RHD: variants seen among roughly 807,000 people sequenced by gnomAD.
The protein encoded by RHD is Rh blood group D antigen, also known as blood group Rh(D) polypeptide.
RHD carries 16 observed loss-of-function variants against 45.5 expected under a neutral mutation model. That is an observed-to-expected ratio of 0.35 (90% CI 0.24 to 0.53). The LOEUF (loss-of-function observed/expected upper bound fraction) is 0.53. RHD is among the 20% of genes least tolerant of loss of function. The pLI is 0.92. For synonymous variants in RHD, 131 were observed against 217.5 expected, an observed-to-expected ratio of 0.60 and a Z score of 3.50; for missense variants, 306 against 532.0, an observed-to-expected ratio of 0.58 and a Z score of 4.18.
chr1:25,295,849 A>C (rs1642893730), intron 3 of RHD, among the ~76,000 whole-genome samples: 1 of 33,728 alleles, frequency 3.0e-5, no homozygotes, highest in African/African-American at 5.8e-5. Flanking sequence ...GAATATGGGA[A>C]ATTTTTTTTT....
chr1:25,307,638 C>G (rs1444867203), intron 7 of RHD: 2 of 1,143,496 alleles, frequency 1.7e-6, no homozygotes, highest in Admixed American at 2.1e-5. Context: ...GAGAAGTTAT[C>G]TGCCCAAGGT....
rs1644628470 is a variant in RHD, at chr1:25,320,246, G to C, written c.1154-1643G>C. Among the ~76,000 whole-genome samples the C allele has an allele frequency of 1.5e-5, 2 of 131,790 alleles. 1 individual carries two copies. The highest frequency in any genetic ancestry group is 5.2e-5 in the African/African-American group (2 of 38,654). 86.5% of individuals were successfully genotyped at this position (131,790 alleles called of 152,430 possible). Reference sequence around the variant, plus strand: ...AAGAACACAAAACGCTTGGGCTGCTGAGAGATTAGAACAACAACCCTCCAC... The same window carrying C: ...AAGAACACAAAACGCTTGGGCTGCTCAGAGATTAGAACAACAACCCTCCAC... On this transcript the variant is annotated intron_variant, in intron 8 of 9. Transcript: ENST00000328664.
chr1:25,287,478 C>T (rs964827800), intron 2 of RHD, among the ~76,000 whole-genome samples: 28 of 135,206 alleles, frequency 2.1e-4, no homozygotes, highest in East Asian at 5.8e-4. Flanking sequence ...GACCGGTTCC[C>T]GTCAGGGCTG....
At chr1:25,312,574 T>C (rs1366827861) in intron 7 of RHD, among the ~76,000 whole-genome samples, 1 of 129,148 alleles carries the variant, frequency 7.7e-6, no homozygotes, top group Non-Finnish European at 1.8e-5. Flanking sequence ...GTGAGACCTG[T>C]CTCTACAAAA....
At position 25,307,582 on chromosome 1, in the gene RHD, C is replaced by T. The variant is rs1396174508; in HGVS notation, c.1073+853C>T. 15 of 713,492 alleles carry T rather than the reference C, an allele frequency of 2.1e-5. No individual in the cohort carries two copies. In the Admixed American group the frequency reaches 3.5e-4, roughly 17 times the overall value. 44.2% of individuals were successfully genotyped at this position (713,492 alleles called of 1,614,324 possible). ...TATGCATTATCTCCTTGAATTCTCA[C>T]AACCGCCTACTGAGGTATTCTCAGA... On this transcript the variant is annotated intron_variant, in intron 7 of 9. Transcript: ENST00000328664.
rs1301217223 is a variant in RHD, at chr1:25,306,228, C to A, written c.940-368C>A. Among the ~76,000 whole-genome samples, 9 of 131,684 alleles carry A rather than the reference C, an allele frequency of 6.8e-5. 1 individual carries two copies. The highest frequency in any genetic ancestry group is 2.1e-4 in the African/African-American group (8 of 38,168). 86.4% of individuals were successfully genotyped at this position (131,684 alleles called of 152,430 possible). A position where few individuals can be genotyped will look rare whatever the true frequency, so the allele number is the denominator to read the frequency against. ...AGCTCGTGGGGAGAGACCAGGGATG[C>A]TGCTTAACATCCTACAGTACACAGG... On this transcript the variant is annotated intron_variant, in intron 6 of 9. Transcript: ENST00000328664.
rs1201306710 is a variant in RHD at position 25,316,214 on chromosome 1, AGTATGTTCAAGGG to A, written c.1074-782_1074-770del. On this transcript the variant is annotated intron_variant, in intron 7 of 9. Coordinates refer to ENST00000328664, the MANE Select transcript of RHD (RefSeq NM_016124.6). ...TGCCTTGAAGGAGAGAGGTCGTGGA[AGTATGTTCAAGGG>A]GTAGGGATGGGCAGGGGAGATGGGT... Among the ~76,000 whole-genome samples, 10 of 130,430 alleles carry A rather than the reference AGTATGTTCAAGGG, an allele frequency of 7.7e-5. 2 individuals carry two copies. The highest frequency in any genetic ancestry group is 1.8e-4 in the Non-Finnish European group (10 of 55,306). 85.6% of individuals were successfully genotyped at this position (130,430 alleles called of 152,430 possible).
chr1:25,290,185 G>A lies in RHD; in HGVS notation c.336-456G>A, dbSNP rs540730585. 7.7e-4 allele frequency among the ~76,000 whole-genome samples: 101 copies of A among 130,546 alleles called. 29 individuals carry two copies. The highest frequency in any genetic ancestry group is 1.5e-3 in the Non-Finnish European group (83 of 55,502). 85.6% of individuals were successfully genotyped at this position (130,546 alleles called of 152,430 possible). A position where few individuals can be genotyped will look rare whatever the true frequency, so the allele number is the denominator to read the frequency against. ...GCCACGGAGACGGAGAGAAGGGACA[G>A]TGGCCCCAGATGGGGATGGGGTGAC... On this transcript the variant is annotated intron_variant, in intron 2 of 9. Transcript: ENST00000328664.
rs1233692539 is a variant in RHD, at chr1:25,306,941, T to C, written c.1073+212T>C. On this transcript the variant is annotated intron_variant, in intron 7 of 9. Coordinates refer to ENST00000328664, the MANE Select transcript of RHD (RefSeq NM_016124.6). ...CTCCAGGCCACCTCTTCTTTCCAAA[T>C]AGGGCCACCTAGGTATAGACCAAAG... is the stretch of plus-strand genomic sequence containing the variant. The C allele has an allele frequency of 3.2e-5, 17 of 531,034 alleles. 4 individuals are homozygous for C. Among genetic ancestry groups the C allele is most frequent in the Non-Finnish European group, 3.7e-6 (1 of 270,750 alleles). The allele number at this position is 531,034 out of a possible 1,614,324, so 32.9% of individuals were successfully genotyped here.
intron 3 of RHD, among the ~76,000 whole-genome samples, chr1:25,292,956 A>G (rs1642638948): frequency 8.1e-6 from 1 of 123,816 alleles, no homozygotes; most frequent in Admixed American, 8.0e-5. Flanking sequence ...GGAGAGCGTG[A>G]GGTCCTGGAA....
rs1206600064 is a variant in RHD at position 25,329,391 on chromosome 1, CCCA to C, written c.*472_*474del. On this transcript the variant is annotated 3_prime_UTR_variant, in exon 10 of 10. Coordinates refer to ENST00000328664, the MANE Select transcript of RHD (RefSeq NM_016124.6). ...TCCAAAGTAGCTGGGATTACAGGCA[CCCA>C]CCACATCTGGCTAATTTTTTGTATT... 3.7e-4 allele frequency: 108 copies of C among 292,798 alleles called. 15 individuals carry two copies. The highest frequency in any genetic ancestry group is 4.9e-4 in the Admixed American group (10 of 20,222). The allele number at this position is 292,798 out of a possible 1,614,324, so 18.1% of individuals were successfully genotyped here.
In RHD at chr1:25,321,185, A is replaced by G. The variant is rs1357108721; in HGVS notation, c.1154-704A>G. On this transcript the variant is annotated intron_variant, in intron 8 of 9. Transcript: ENST00000328664. ...CCCAGGAGTTGACTGGAGCCAGAGA[A>G]GACAGACCTATAGGAGCACCCAATT... Among the ~76,000 whole-genome samples, 2 of 130,026 alleles carry G rather than the reference A, an allele frequency of 1.5e-5. 1 individual carries two copies. Among genetic ancestry groups the G allele is most frequent in the Non-Finnish European group, 3.6e-5 (2 of 54,990 alleles). 85.3% of individuals were successfully genotyped at this position (130,026 alleles called of 152,430 possible). A position where few individuals can be genotyped will look rare whatever the true frequency, so the allele number is the denominator to read the frequency against.
chr1:25,307,604 C>G (rs1230499529), intron 7 of RHD: 1 of 887,880 alleles, frequency 1.1e-6, no homozygotes, highest in Non-Finnish European at 1.8e-6. Context: ...GAGGTATTCT[C>G]AGACTCTAAG....
At chr1:25,311,959 C>G (rs1279536131) in intron 7 of RHD, among the ~76,000 whole-genome samples, 1 of 128,932 alleles carries the variant, frequency 7.8e-6, no homozygotes, top group Non-Finnish European at 1.8e-5. Flanking sequence ...AGTGGAGCTA[C>G]AAGGGTGGGG....
At chr1:25,300,864 C>G in intron 3 of RHD, 82 bp from the exon 4 acceptor site, 1 of 1,317,214 alleles carries the variant, frequency 7.6e-7, no homozygotes, top group Non-Finnish European at 1.1e-6. Context: ...AAGTGAAGCT[C>G]TGAACTTTCT....
At chr1:25,285,809 T>A (rs1641935472) in intron 2 of RHD, among the ~76,000 whole-genome samples, 1 of 135,070 alleles carries the variant, frequency 7.4e-6, no homozygotes, top group South Asian at 2.2e-4. Flanking sequence ...TGAATCCCTG[T>A]GCTGCCCAGA....
rs752809400 is a variant in RHD, at chr1:25,300,980, T to G, written c.521T>G (p.Val174Gly). ...DYHMNMMHIY[V>G]FAAYFGLSVA... Reference sequence around the variant, plus strand: ...CACATGAACATGATGCACATCTACGTGTTCGCAGCCTATTTTGGGCTGTCT... The same window carrying G: ...CACATGAACATGATGCACATCTACGGGTTCGCAGCCTATTTTGGGCTGTCT... Residue 174 changes from valine (V) to glycine (G), a missense_variant, in exon 4 of 10, where the codon GTG becomes GGG. Coordinates refer to ENST00000328664, the MANE Select transcript of RHD (RefSeq NM_016124.6). 2.2e-6 allele frequency: 3 copies of G among 1,374,790 alleles called. No homozygotes were observed. In the South Asian group the frequency reaches 3.5e-5, roughly 16 times the overall value. 85.2% of individuals were successfully genotyped at this position (1,374,790 alleles called of 1,614,324 possible). A position where few individuals can be genotyped will look rare whatever the true frequency, so the allele number is the denominator to read the frequency against.
chr1:25,312,920 TAAAAAAAAAAAAAAAA>T (rs58027687), intron 7 of RHD, among the ~76,000 whole-genome samples: 103 of 6,856 alleles, frequency 0.015, 22 homozygotes, highest in South Asian at 0.071. Flanking sequence ...ATCCCATCTC[TAAAAAAAAAAAAAAAA>T]AAAAAAAAAA....
rs584132 is a variant in RHD at position 25,303,563 on chromosome 1, C to T, written c.939+104C>T. Reference sequence around the variant, plus strand: ...GTGCACAGCTGCATTAGGCAGGTGTCGGCGCATTCTCTTATTGGCTTCAAC... The same window carrying T: ...GTGCACAGCTGCATTAGGCAGGTGTTGGCGCATTCTCTTATTGGCTTCAAC... On this transcript the variant is annotated intron_variant, in intron 6 of 9. Transcript: ENST00000328664. 73 of 1,153,302 alleles carry T rather than the reference C, an allele frequency of 6.3e-5. 16 individuals carry two copies. Among genetic ancestry groups the T allele is most frequent in the South Asian group, 3.0e-4 (24 of 79,154 alleles). 71.4% of individuals were successfully genotyped at this position (1,153,302 alleles called of 1,614,324 possible). A position where few individuals can be genotyped will look rare whatever the true frequency, so the allele number is the denominator to read the frequency against.
Sources: allele counts gnomAD v4.1 joint callset (sites outside exome capture counted in the v4.1 genomes callset), GRCh38; gene constraint gnomAD v4.1.1; transcripts MANE v1.5; gene names NCBI Gene and HGNC (gene_info 2026-07-23, HGNC 2026-07-21).